SEMA5A: variants seen among roughly 807,000 people sequenced by gnomAD.
The protein encoded by SEMA5A is semaphorin 5A, also known as semaphorin-5A.
Under a neutral mutation model 135.5 loss-of-function variants are expected in SEMA5A, and 55 were observed. The observed-to-expected ratio is 0.41, with a 90% CI of 0.33 to 0.51. The LOEUF is 0.51. Ranked by LOEUF, SEMA5A falls within the 20% of genes least tolerant of loss-of-function variation. The pLI is 0.37. For missense variants in SEMA5A, 1,290 were observed against 1,419.9 expected (o/e 0.91, Z 1.47); for synonymous variants, 580 against 546.5 (o/e 1.06, Z -0.85).
intron 16 of SEMA5A, among the ~76,000 whole-genome samples, chr5:9,099,420 C>T (rs190602059): frequency 6.6e-6 from 1 of 152,172 alleles, no homozygotes; most frequent in Non-Finnish European, 1.5e-5. Flanking sequence ...GATATAATAT[C>T]CAGTTTCAGC....
intron 5 of SEMA5A, among the ~76,000 whole-genome samples, chr5:9,297,376 T>C (rs1751391329): frequency 6.6e-6 from 1 of 152,032 alleles, no homozygotes; most frequent in South Asian, 2.1e-4. Context: ...CAGGTGGTGA[T>C]TAGGTCACGA....
At chr5:9,414,434 T>TC (rs1757214758) in intron 2 of SEMA5A, among the ~76,000 whole-genome samples, 1 of 152,066 alleles carries the variant, frequency 6.6e-6, no homozygotes, top group Admixed American at 6.6e-5. Flanking sequence ...TGGACAAAGA[T>TC]CAGATTTGAT....
In SEMA5A at chr5:9,226,899, A is replaced by G. The variant is rs764398652; in HGVS notation, c.402T>C (p.Asn134=). The G allele has an allele frequency of 4.4e-6, 7 of 1,597,150 alleles. No individual in the cohort carries two copies. In the African/African-American group the frequency reaches 6.7e-5, roughly 15 times the overall value. The change falls in exon 7 of 23, where the codon AAT becomes AAC. Residue 134 remains asparagine, a synonymous_variant. Coordinates refer to ENST00000382496, the MANE Select transcript of SEMA5A (RefSeq NM_003966.3). ...GGTTGGTGCAGACAGGCGTGAATGC[A>G]TTGGTCCCACAGGTGAATAACCGGT... is the stretch of plus-strand genomic sequence containing the variant. The part of the protein sequence containing the change: ...GGDRLFTCGT[N]AFTPVCTNRS...
intron 3 of SEMA5A, among the ~76,000 whole-genome samples, chr5:9,365,599 C>G (rs1049070117): frequency 6.6e-6 from 1 of 152,132 alleles, no homozygotes; most frequent in African/African-American, 2.4e-5. Flanking sequence ...TCACCTAATC[C>G]TGGTCCCAGG....
chr5:9,534,198 C>T (rs1737617138), intron 1 of SEMA5A, among the ~76,000 whole-genome samples: 1 of 152,136 alleles, frequency 6.6e-6, no homozygotes, highest in South Asian at 2.1e-4. Context: ...CCACATGAGG[C>T]CCCACTATGA....
chr5:9,296,078 A>G (rs1238687157), intron 5 of SEMA5A, among the ~76,000 whole-genome samples: 4 of 152,108 alleles, frequency 2.6e-5, no homozygotes, highest in Non-Finnish European at 5.9e-5. Flanking sequence ...CATGATAACT[A>G]AGGACTTAAA....
intron 4 of SEMA5A, among the ~76,000 whole-genome samples, chr5:9,327,320 AT>A (rs1164964296): frequency 6.6e-6 from 1 of 152,096 alleles, no homozygotes. Context: ...GGCTATGCAA[AT>A]TTCAAGATAA....
intron 3 of SEMA5A, chr5:9,367,279 T>C (rs1408963212): frequency 6.6e-6 from 1 of 152,242 alleles, no homozygotes; most frequent in Non-Finnish European, 1.5e-5. Flanking sequence ...TCTATCATCA[T>C]AGAAAGTTCT....
rs3026316 is a variant in SEMA5A at position 9,257,122 on chromosome 5, G to T, written c.271-19232C>A. Reference sequence around the variant, plus strand: ...GCTTATTCATGGCATGGAGGAATTTGCTGGTACATTGAGTGAGTGTGGCTT... The same window carrying T: ...GCTTATTCATGGCATGGAGGAATTTTCTGGTACATTGAGTGAGTGTGGCTT... On this transcript the variant is annotated intron_variant, in intron 5 of 22. Transcript: ENST00000382496. Among the ~76,000 whole-genome samples the T allele has an allele frequency of 4.0e-4, 61 of 152,332 alleles. 1 individual carries two copies. In the South Asian group the frequency reaches 6.4e-3, roughly 16 times the overall value.
At chr5:9,492,253 T>C (rs1219170701) in intron 1 of SEMA5A, among the ~76,000 whole-genome samples, 1 of 152,198 alleles carries the variant, frequency 6.6e-6, no homozygotes, top group Admixed American at 6.5e-5. Context: ...GATGACTTCT[T>C]CTGTGCCAGA....
chr5:9,370,795 A>C (rs1755104204), intron 3 of SEMA5A, among the ~76,000 whole-genome samples: 1 of 152,174 alleles, frequency 6.6e-6, no homozygotes, highest in Non-Finnish European at 1.5e-5. Flanking sequence ...TTGTGCTGAT[A>C]TAAAGAGAAG....
chr5:9,273,258 A>G (rs1474956000), intron 5 of SEMA5A, among the ~76,000 whole-genome samples: 4 of 152,154 alleles, frequency 2.6e-5, no homozygotes, highest in South Asian at 2.1e-4. Context: ...GATCAACTCA[A>G]TGAAATAAAG....
At chr5:9,464,215 G>A (rs1759169893) in intron 1 of SEMA5A, among the ~76,000 whole-genome samples, 1 of 152,172 alleles carries the variant, frequency 6.6e-6, no homozygotes, top group Admixed American at 6.5e-5. Flanking sequence ...CACTGTGTTA[G>A]ATCCATTTAA....
chr5:9,520,251 G>C (rs1244564604), intron 1 of SEMA5A, among the ~76,000 whole-genome samples: 1 of 152,200 alleles, frequency 6.6e-6, no homozygotes, highest in Admixed American at 6.5e-5. Context: ...GTCAGGACTG[G>C]ACATACAGTG....
At chr5:9,500,731 C>T (rs1204511412) in intron 1 of SEMA5A, among the ~76,000 whole-genome samples, 1 of 152,188 alleles carries the variant, frequency 6.6e-6, no homozygotes, top group African/African-American at 2.4e-5. Flanking sequence ...TTTGCTAATT[C>T]TGGCAACCCC....
chr5:9,282,705 C>T (rs887687686), intron 5 of SEMA5A, among the ~76,000 whole-genome samples: 8 of 152,130 alleles, frequency 5.3e-5, no homozygotes, highest in Non-Finnish European at 1.2e-4. Context: ...AGCCGCCTCC[C>T]GTGTCATCAG....
chr5:9,279,834 G>A (rs769671330), intron 5 of SEMA5A, among the ~76,000 whole-genome samples: 2 of 152,052 alleles, frequency 1.3e-5, no homozygotes, highest in Non-Finnish European at 2.9e-5. Context: ...AGGCCTCCAA[G>A]CCATGCTTCC....
At chr5:9,291,237 T>C (rs1322464087) in intron 5 of SEMA5A, among the ~76,000 whole-genome samples, 1 of 152,138 alleles carries the variant, frequency 6.6e-6, no homozygotes, top group South Asian at 2.1e-4. Flanking sequence ...TTTAAACAAG[T>C]TCTGGATGCG....
rs181508665 is a variant in SEMA5A at position 9,197,340 on chromosome 5, G to T, written c.933-37C>A. The T allele has an allele frequency of 8.8e-4, 1,409 of 1,601,822 alleles. 17 individuals are homozygous for T. The highest frequency in any genetic ancestry group is 1.9e-4 in the South Asian group (17 of 90,430). ...GGGAGAGAGAGAAGGCAGTCAGAGA[G>T]CTCGGCAGCACCTGCTGACCTCCCC... On this transcript the variant is annotated intron_variant, in intron 9 of 22. Coordinates refer to ENST00000382496, the MANE Select transcript of SEMA5A (RefSeq NM_003966.3).
Sources: allele counts gnomAD v4.1 joint callset (sites outside exome capture counted in the v4.1 genomes callset), GRCh38; gene constraint gnomAD v4.1.1; transcripts MANE v1.5; gene names NCBI Gene and HGNC (gene_info 2026-07-23, HGNC 2026-07-21).